Variants in FANCB observed in about 807,000 individuals in gnomAD.
FANCB encodes Fanconi anemia group B protein.
In FANCB, 5 loss-of-function variants were observed where a neutral mutation model predicts 38.9. That is an observed-to-expected ratio of 0.13 (90% CI 0.07 to 0.27). FANCB has a LOEUF of 0.27. FANCB is among the 10% of genes least tolerant of loss of function. The pLI is 1.00. For synonymous variants in FANCB, 236 were observed against 215.4 expected (o/e 1.10, Z -0.84); for missense variants, 573 against 602.7 (o/e 0.95, Z 0.52).
chrX:14,824,739 G>T, the FANCB span, among the ~76,000 whole-genome samples: 1 of 112,018 alleles, frequency 8.9e-6, no homozygotes, highest in Non-Finnish European at 1.9e-5. Flanking sequence ...TCTATTTGCT[G>T]TCCTAAATTC....
chrX:14,821,772 G>A, the FANCB span, among the ~76,000 whole-genome samples: 1 of 111,492 alleles, frequency 9.0e-6, no homozygotes, highest in African/African-American at 3.3e-5. Flanking sequence ...GAGGTTGCCA[G>A]ACTGGTTCAG....
At chrX:14,712,633 T>G in the FANCB span, among the ~76,000 whole-genome samples, 4 of 106,057 alleles carry the variant, frequency 3.8e-5, no homozygotes, top group Non-Finnish European at 5.8e-5. Flanking sequence ...AGTACCAAAA[T>G]CAAGGGTTTA....
chrX:14,800,422 G>A, the FANCB span, among the ~76,000 whole-genome samples: 2 of 111,439 alleles, frequency 1.8e-5, no homozygotes, highest in African/African-American at 6.5e-5. Flanking sequence ...GCCAGCAACC[G>A]CCACAAGTTA....
chrX:14,745,268 C>CCACTGACACAGTGGAGA, the FANCB span, among the ~76,000 whole-genome samples: 2 of 111,541 alleles, frequency 1.8e-5, no homozygotes, highest in Non-Finnish European at 3.8e-5. Flanking sequence ...GGTTTGGGCT[C>CCACTGACACAGTGGAGA]CACTGACACA....
In FANCB at chrX:14,859,040, A is replaced by G. The variant is rs184827614; in HGVS notation, c.1104+142T>C. ...AAAGGAGATTCAATGTATATATTTA[A>G]AAGATTCAATCTATATATTTTTAAA... On this transcript the variant is annotated intron_variant, in intron 4 of 9. Coordinates refer to ENST00000650831, the MANE Select transcript of FANCB (RefSeq NM_001018113.3). 561 of 403,183 alleles carry G rather than the reference A, an allele frequency of 1.4e-3. 3 individuals are homozygous for G. The highest frequency in any genetic ancestry group is 0.01 in the African/African-American group (409 of 39,764). The allele number at this position is 403,183 out of a possible 1,213,427, so 33.2% of individuals were successfully genotyped here.
the FANCB span, among the ~76,000 whole-genome samples, chrX:14,813,780 C>T: frequency 8.9e-6 from 1 of 111,747 alleles, no homozygotes; most frequent in South Asian, 3.8e-4. Context: ...AATGCCATCC[C>T]CATCAAGCTA....
the FANCB span, chrX:14,730,446 A>C: frequency 3.3e-6 from 4 of 1,207,381 alleles, no homozygotes; most frequent in Admixed American, 2.2e-5. Context: ...ACTGGATCAC[A>C]TACAAGATCA....
chrX:14,745,687 ATTTTTTTTT>A, the FANCB span, among the ~76,000 whole-genome samples: 1 of 29,219 alleles, frequency 3.4e-5, no homozygotes, highest in African/African-American at 1.4e-4. Context: ...AAACTCTGGA[ATTTTTTTTT>A]TTTTTTTTTT....
At chrX:14,830,095 G>A in the FANCB span, among the ~76,000 whole-genome samples, 1 of 111,781 alleles carries the variant, frequency 8.9e-6, no homozygotes, top group East Asian at 2.8e-4. Context: ...AGGAATGTCT[G>A]ATGAGAGGGA....
chrX:14,765,251 A>G, the FANCB span, among the ~76,000 whole-genome samples: 1 of 111,573 alleles, frequency 9.0e-6, no homozygotes, highest in African/African-American at 3.3e-5. Flanking sequence ...TTTTAATTGC[A>G]ACTTTAGGAG....
At chrX:14,776,542 G>A in the FANCB span, among the ~76,000 whole-genome samples, 1 of 112,133 alleles carries the variant, frequency 8.9e-6, no homozygotes, top group East Asian at 2.8e-4. Context: ...TCCAGTCTAG[G>A]GAGTGCCTGG....
At chrX:14,782,118 C>T in the FANCB span, among the ~76,000 whole-genome samples, 10 of 112,424 alleles carry the variant, frequency 8.9e-5, no homozygotes, top group East Asian at 2.5e-3. Context: ...GTCCTAACAA[C>T]TCTTTCTGGA....
At chrX:14,727,160 C>A in the FANCB span, among the ~76,000 whole-genome samples, 3 of 111,388 alleles carry the variant, frequency 2.7e-5, no homozygotes, top group African/African-American at 6.5e-5. Flanking sequence ...GTCACTGGAT[C>A]TTTAAAAAAA....
At chrX:14,733,019 G>GT in the FANCB span, among the ~76,000 whole-genome samples, 1 of 112,046 alleles carries the variant, frequency 8.9e-6, no homozygotes. Flanking sequence ...TAGGTCTTAC[G>GT]TTTAAGTCTT....
chrX:14,822,319 C>T, the FANCB span, among the ~76,000 whole-genome samples: 13 of 110,036 alleles, frequency 1.2e-4, no homozygotes, highest in African/African-American at 3.3e-4. Flanking sequence ...CCACTGATGC[C>T]ATGGGGGAAA....
intron 1 of FANCB, among the ~76,000 whole-genome samples, chrX:14,872,126 G>A (rs765646684): frequency 8.9e-6 from 1 of 112,149 alleles, no homozygotes; most frequent in Non-Finnish European, 1.9e-5. Flanking sequence ...TAGGTGAGTA[G>A]AGGTAGAAGG....
chrX:14,782,863 G>A, the FANCB span, among the ~76,000 whole-genome samples: 5 of 111,876 alleles, frequency 4.5e-5, no homozygotes, highest in African/African-American at 1.6e-4. Context: ...AGCAGGTCTA[G>A]AATGGAGCCT....
chrX:14,708,314 G>A, the FANCB span, among the ~76,000 whole-genome samples: 2 of 111,377 alleles, frequency 1.8e-5, no homozygotes, highest in South Asian at 3.8e-4. Flanking sequence ...GGTGGATCAG[G>A]CCAGGTAAAC....
Position 14,857,855 on chromosome X carries a change from C to T in FANCB, c.1197+7G>A. ...TCGAAAAGCAAAAGAAGCAAACAGACACTAACTTTCAGTCCTGTTTCTAGA... is the reference window on the plus strand; with the variant it reads ...TCGAAAAGCAAAAGAAGCAAACAGATACTAACTTTCAGTCCTGTTTCTAGA... On this transcript the variant is annotated splice_region_variant and intron_variant, in intron 5 of 9. Transcript: ENST00000650831. 2 of 1,114,409 alleles carry T rather than the reference C, an allele frequency of 1.8e-6. No individual in the cohort carries two copies. Among genetic ancestry groups the T allele is most frequent in the Non-Finnish European group, 1.2e-6 (1 of 807,534 alleles). 91.8% of individuals were successfully genotyped at this position (1,114,409 alleles called of 1,213,427 possible).
Sources: gnomAD v4.1 joint callset for allele counts (sites outside exome capture counted in the v4.1 genomes callset) on GRCh38, gnomAD v4.1.1 for gene constraint, MANE v1.5 for transcripts, NCBI Gene and HGNC (gene_info 2026-07-23, HGNC 2026-07-21) for gene names.